Variants in BTG4 observed in about 807,000 individuals in gnomAD.
BTG4 encodes the protein protein BTG4.
Under a neutral mutation model 19.3 loss-of-function variants are expected in BTG4, and 10 were observed. That is an observed-to-expected ratio of 0.52 (90% CI 0.32 to 0.88). The LOEUF is 0.88. BTG4 is among the 40% of genes least tolerant of loss of function. The probability of loss-of-function intolerance (pLI) is 0.04; values close to 1 mark genes in which losing one functional copy is unlikely to be tolerated. For missense variants in BTG4, 238 were observed against 281.9 expected (o/e 0.84, Z 1.11); for synonymous variants, 91 against 95.7 (o/e 0.95, Z 0.29).
the BTG4 span, among the ~76,000 whole-genome samples, chr11:111,431,427 C>T: frequency 6.6e-6 from 1 of 152,158 alleles, no homozygotes; most frequent in Non-Finnish European, 1.5e-5. Context: ...AGAGAAGTAA[C>T]TTTCCTAAAG....
At chr11:111,454,124 G>T in the BTG4 span, 307 of 344,092 alleles carry the variant, frequency 8.9e-4, no homozygotes, top group African/African-American at 6.1e-3. Flanking sequence ...TCAGTAGCAA[G>T]ACTGTGCCTG....
rs377415846 is a variant in BTG4, at chr11:111,488,433, T to C, written c.662+6730A>G. Reference sequence around the variant, plus strand: ...GAAACTAGACCACTATCTCTTGCCATATGTAGAAATCCAGTAAAGATGGAT... The same window carrying C: ...GAAACTAGACCACTATCTCTTGCCACATGTAGAAATCCAGTAAAGATGGAT... On this transcript the variant is annotated intron_variant, in intron 5 of 5. Coordinates refer to the BTG4 transcript ENST00000356018. Among the ~76,000 whole-genome samples, 15 of 152,300 alleles carry C rather than the reference T, an allele frequency of 9.8e-5. No individual in the cohort carries two copies. In the East Asian group the frequency reaches 1.2e-3, roughly 12 times the overall value.
At chr11:111,426,817 C>T in the BTG4 span, among the ~76,000 whole-genome samples, 1 of 152,244 alleles carries the variant, frequency 6.6e-6, no homozygotes, top group African/African-American at 2.4e-5. Context: ...AGCCAGCTCC[C>T]AGGCCGGTGT....
chr11:111,446,796 T>C, the BTG4 span, among the ~76,000 whole-genome samples: 3 of 152,016 alleles, frequency 2.0e-5, no homozygotes, highest in Non-Finnish European at 2.9e-5. Flanking sequence ...GGAAGGACAC[T>C]CAAGGGCCTG....
chr11:111,504,441 A>G (rs1472521460), intron 1 of BTG4, among the ~76,000 whole-genome samples: 1 of 152,116 alleles, frequency 6.6e-6, no homozygotes, highest in African/African-American at 2.4e-5. Flanking sequence ...AATACTAAGC[A>G]AGTGTTTTAT....
chr11:111,388,084 G>A, the BTG4 span, among the ~76,000 whole-genome samples: 1 of 152,104 alleles, frequency 6.6e-6, no homozygotes, highest in Non-Finnish European at 1.5e-5. Flanking sequence ...GGGATAACAA[G>A]GTAAGAAAGT....
intron 1 of BTG4, among the ~76,000 whole-genome samples, chr11:111,509,094 A>G (rs1427070947): frequency 6.6e-6 from 1 of 152,208 alleles, no homozygotes; most frequent in Non-Finnish European, 1.5e-5. Flanking sequence ...ATAAATATAA[A>G]CAAGAAGCTA....
intron 5 of BTG4, chr11:111,475,542 C>A (rs923987616): frequency 1.3e-4 from 19 of 151,898 alleles, no homozygotes; most frequent in African/African-American, 4.6e-4. Context: ...ACTTTGGAGG[C>A]CCTGGTTGAA....
intron 4 of BTG4, 28 bp downstream of exon 4, chr11:111,497,183 T>C (rs764994858): frequency 1.9e-6 from 3 of 1,584,388 alleles, no homozygotes; most frequent in Non-Finnish European, 2.6e-6. Context: ...AGAAAAAAAG[T>C]ATAGAAAAGA....
Position 111,498,000 on chromosome 11 carries a change from A to G in BTG4, c.309T>C (p.Cys103=), listed in dbSNP as rs769143782. ...ACACAAACTATGAGATTACTCACCT[A>G]CAGCATACTTCAAAGGGATCTACCC... is the stretch of plus-strand genomic sequence containing the variant. The part of the protein sequence containing the change: ...TIWVDPFEVC[C]RYGEKNHPFT... The change falls in exon 3 of 5, where the codon TGT becomes TGC. Residue 103 remains cysteine, a splice_region_variant and synonymous_variant. Transcript: ENST00000692032. 2.5e-6 allele frequency: 4 copies of G among 1,613,718 alleles called. No homozygotes were observed. In the East Asian group the frequency reaches 8.9e-5, roughly 36 times the overall value.
downstream of BTG4, chr11:111,466,984 C>T (rs1863757226): frequency 6.6e-6 from 1 of 152,596 alleles, no homozygotes. Flanking sequence ...GGCAGATATT[C>T]CCTAGGATTA....
the BTG4 span, among the ~76,000 whole-genome samples, chr11:111,432,888 C>T: frequency 1.3e-5 from 2 of 151,758 alleles, no homozygotes; most frequent in African/African-American, 2.4e-5. Context: ...GACAAGGTCT[C>T]AGTATGTTGC....
intron 5 of BTG4, among the ~76,000 whole-genome samples, chr11:111,484,977 T>C (rs763025486): frequency 2.0e-5 from 3 of 152,026 alleles, no homozygotes; most frequent in Non-Finnish European, 4.4e-5. Context: ...AGTTATCAGA[T>C]AAAATAGATT....
rs192030357 is a variant in BTG4 at position 111,472,525 on chromosome 11, G to A, written c.663-4844C>T. On this transcript the variant is annotated intron_variant, in intron 5 of 5. Coordinates refer to the BTG4 transcript ENST00000356018. ...TGCATGGGACAGCTCCCAGAGCAAAGAGTTACTCATCCCAAAATAGTGCCA... is the reference window on the plus strand; with the variant it reads ...TGCATGGGACAGCTCCCAGAGCAAAAAGTTACTCATCCCAAAATAGTGCCA... Among the ~76,000 whole-genome samples the A allele has an allele frequency of 1.1e-3, 173 of 152,290 alleles. 1 individual carries two copies. The highest frequency in any genetic ancestry group is 2.0e-3 in the Non-Finnish European group (135 of 68,018).
At chr11:111,467,082 G>A (rs113589186), downstream of BTG4, among the ~76,000 whole-genome samples, 73 of 152,328 alleles carry the variant, frequency 4.8e-4, 1 homozygote, top group African/African-American at 1.7e-3. Context: ...TCTCTCGAAT[G>A]ATATTAATCA....
At chr11:111,508,072 T>G (rs997027879) in intron 1 of BTG4, among the ~76,000 whole-genome samples, 13 of 152,250 alleles carry the variant, frequency 8.5e-5, no homozygotes, top group Non-Finnish European at 1.6e-4. Flanking sequence ...TGACTAGATT[T>G]TCCCCCTCAA....
intron 3 of BTG4, 79 bp from the exon 4 acceptor site, chr11:111,497,488 T>C: frequency 2.1e-6 from 2 of 934,434 alleles, no homozygotes; most frequent in Non-Finnish European, 2.9e-6. Flanking sequence ...GGAGACAATA[T>C]GCTAACTTAT....
At chr11:111,421,176 G>A in the BTG4 span, among the ~76,000 whole-genome samples, 12 of 152,284 alleles carry the variant, frequency 7.9e-5, no homozygotes, top group East Asian at 2.3e-3. Flanking sequence ...TCTCAGAGAG[G>A]GCACCTCATA....
In BTG4 at chr11:111,483,149, A is replaced by G. The variant is rs1314715605; in HGVS notation, c.662+12014T>C. Among the ~76,000 whole-genome samples the G allele has an allele frequency of 2.6e-5, 4 of 152,300 alleles. No homozygotes were observed. The East Asian group carries it at 5.8e-4, about 22-fold the overall frequency. Reference sequence around the variant, plus strand: ...TCCTCAAGGAGCCAGCAGAAATTGCAGCATTCCTGTGCTTAGGGTACACCC... The same window carrying G: ...TCCTCAAGGAGCCAGCAGAAATTGCGGCATTCCTGTGCTTAGGGTACACCC... On this transcript the variant is annotated intron_variant, in intron 5 of 5. Transcript: ENST00000356018.
Sources: gnomAD v4.1 joint callset for allele counts (sites outside exome capture counted in the v4.1 genomes callset) on GRCh38, gnomAD v4.1.1 for gene constraint, MANE v1.5 for transcripts, NCBI Gene and HGNC (gene_info 2026-07-23, HGNC 2026-07-21) for gene names.